TTC39C: variants seen among roughly 807,000 people sequenced by gnomAD.
TTC39C encodes tetratricopeptide repeat domain 39C.
A neutral mutation model predicts 76.3 loss-of-function variants in TTC39C; 33 were observed. The ratio of observed to expected loss-of-function variants is 0.43; its 90% CI spans 0.33 to 0.58. The LOEUF is 0.58. TTC39C is among the 20% of genes least tolerant of loss of function. The pLI, the probability that TTC39C is intolerant of heterozygous loss-of-function variation, is 0.04. For missense variants in TTC39C, 595 were observed against 701.4 expected (o/e 0.85, Z 1.71); for synonymous variants, 254 against 260.6 (o/e 0.97, Z 0.24).
intron 1 of TTC39C, among the ~76,000 whole-genome samples, chr18:23,997,674 G>GAAAGAAAA (rs2083277050): frequency 6.8e-6 from 1 of 146,090 alleles, no homozygotes; most frequent in African/African-American, 2.5e-5. Flanking sequence ...AAGAAAGAAA[G>GAAAGAAAA]AAAGAAAGAA....
intron 1 of TTC39C, among the ~76,000 whole-genome samples, chr18:24,020,715 A>T (rs1427266897): frequency 6.6e-6 from 1 of 152,196 alleles, no homozygotes; most frequent in East Asian, 1.9e-4. Context: ...CAAGGGAAAA[A>T]GTCTGTATAT....
intron 6 of TTC39C, among the ~76,000 whole-genome samples, chr18:24,099,743 ATGT>A (rs1241971802): frequency 2.0e-5 from 3 of 152,062 alleles, no homozygotes; most frequent in African/African-American, 7.2e-5. Context: ...AGGAGTTCTT[ATGT>A]AACTTACTGC....
At chr18:24,014,403 GGC>G (rs1158725032), upstream of TTC39C, 1 of 153,192 alleles carries the variant, frequency 6.5e-6, no homozygotes, top group African/African-American at 2.4e-5. Context: ...GGGAGGGTGG[GGC>G]GCTCGGGTCT....
intron 6 of TTC39C, among the ~76,000 whole-genome samples, chr18:24,112,322 A>G (rs1565082): frequency 0.41 from 62,058 of 152,064 alleles, 12,800 homozygotes; most frequent in South Asian, 0.57. Flanking sequence ...TCACATCTGC[A>G]TACACACTCC....
chr18:24,006,503 T>G (rs1300075488), intron 1 of TTC39C: 1 of 132,050 alleles, frequency 7.6e-6, no homozygotes, highest in Non-Finnish European at 1.5e-5. Context: ...AAGATGGACG[T>G]GAAAGTAATC....
rs1308870343 is a variant in TTC39C, at chr18:24,126,320, C to G, written c.1420+770C>G. Among the ~76,000 whole-genome samples the G allele has an allele frequency of 2.6e-5, 4 of 151,000 alleles. 1 individual carries two copies. On this transcript the variant is annotated intron_variant, in intron 10 of 13. Transcript: ENST00000317571. ...TTATAAGCCACTGTAGAAAATTTTTCAGATTTTTCTCCAGTTACTCTTCTT... is the reference window on the plus strand; with the variant it reads ...TTATAAGCCACTGTAGAAAATTTTTGAGATTTTTCTCCAGTTACTCTTCTT...
Position 24,114,542 on chromosome 18 carries a change from T to A in TTC39C, c.985-12T>A, listed in dbSNP as rs965721034. 6.2e-7 allele frequency: 1 copy of A among 1,607,688 alleles called. No individual in the cohort carries two copies. The highest frequency in any genetic ancestry group is 1.3e-5 in the African/African-American group (1 of 74,748). Reference sequence around the variant, plus strand: ...ATCTTAGCTGGTAATTCTGTTTTCCTTTTCTCCTTAGTGTCAAATCAACAG... The same window carrying A: ...ATCTTAGCTGGTAATTCTGTTTTCCATTTCTCCTTAGTGTCAAATCAACAG... On this transcript the variant is annotated splice_polypyrimidine_tract_variant and intron_variant, in intron 6 of 13. Transcript: ENST00000317571.
At chr18:24,016,907 GACA>G (rs2083460600) in intron 1 of TTC39C, among the ~76,000 whole-genome samples, 1 of 152,156 alleles carries the variant, frequency 6.6e-6, no homozygotes, top group Non-Finnish European at 1.5e-5. Flanking sequence ...CTATTCTCAT[GACA>G]ACAAAAGAGT....
chr18:24,094,094 G>T (rs2084560309), intron 6 of TTC39C, among the ~76,000 whole-genome samples: 1 of 152,206 alleles, frequency 6.6e-6, no homozygotes, highest in Middle Eastern at 3.2e-3. Flanking sequence ...TATCAACTAA[G>T]TCTATGTGTT....
chr18:24,073,937 C>G (rs372671297), intron 4 of TTC39C, among the ~76,000 whole-genome samples: 9 of 152,346 alleles, frequency 5.9e-5, no homozygotes, highest in African/African-American at 2.2e-4. Context: ...CTACATACCC[C>G]TTGAGGGCAG....
intron 8 of TTC39C, among the ~76,000 whole-genome samples, chr18:24,122,134 C>G (rs887911576): frequency 6.6e-6 from 1 of 152,140 alleles, no homozygotes; most frequent in African/African-American, 2.4e-5. Flanking sequence ...GGTAGCCTAT[C>G]CTGGTACGTG....
At chr18:24,069,545 T>C (rs2145739151) in intron 4 of TTC39C, among the ~76,000 whole-genome samples, 1 of 152,312 alleles carries the variant, frequency 6.6e-6, no homozygotes, top group South Asian at 2.1e-4. Flanking sequence ...TGTATGTAGA[T>C]GTATAATAGT....
intron 1 of TTC39C, among the ~76,000 whole-genome samples, chr18:24,043,303 A>G (rs1373273655): frequency 6.6e-6 from 1 of 152,170 alleles, no homozygotes; most frequent in Non-Finnish European, 1.5e-5. Context: ...TCAAGGCTGC[A>G]GTGAGCCATG....
intron 1 of TTC39C, among the ~76,000 whole-genome samples, chr18:24,051,862 G>A (rs558605907): frequency 8.5e-5 from 13 of 152,150 alleles, no homozygotes; most frequent in Non-Finnish European, 1.6e-4. Context: ...TTTGTAGGAC[G>A]TGGTTGGTTG....
intron 1 of TTC39C, among the ~76,000 whole-genome samples, chr18:24,051,540 C>T (rs1411698407): frequency 6.6e-6 from 1 of 152,164 alleles, no homozygotes; most frequent in African/African-American, 2.4e-5. Context: ...CGAGTCTGAA[C>T]AGAAGACTGG....
chr18:24,022,949 G>C, intron 1 of TTC39C: 1 of 908,142 alleles, frequency 1.1e-6, no homozygotes, highest in Non-Finnish European at 1.3e-6. Context: ...TCCGGCACTT[G>C]TGTTGCATCA....
upstream of TTC39C, among the ~76,000 whole-genome samples, chr18:24,013,705 A>C (rs1357147027): frequency 6.6e-6 from 1 of 152,264 alleles, no homozygotes; most frequent in African/African-American, 2.4e-5. Flanking sequence ...ACACTACATT[A>C]AGGGATTTTG....
In TTC39C at chr18:24,113,418, C is replaced by G. The variant is rs957665994; in HGVS notation, c.985-1136C>G. The G allele has an allele frequency of 5.0e-6, 3 of 599,742 alleles. No individual in the cohort carries two copies. In the Admixed American group the frequency reaches 8.9e-5, roughly 18 times the overall value. 37.2% of individuals were successfully genotyped at this position (599,742 alleles called of 1,614,324 possible). ...GTCCTCTGAGAAGCCTGCAGCTTCTCCTCCAGGACCCTTCCAGCCCACCTG... is the reference window on the plus strand; with the variant it reads ...GTCCTCTGAGAAGCCTGCAGCTTCTGCTCCAGGACCCTTCCAGCCCACCTG... On this transcript the variant is annotated intron_variant, in intron 6 of 13. Coordinates refer to ENST00000317571, the MANE Select transcript of TTC39C (RefSeq NM_001135993.2).
At position 24,132,641 on chromosome 18, in the gene TTC39C, C is replaced by A; in HGVS notation, c.*67C>A. On this transcript the variant is annotated 3_prime_UTR_variant, in exon 14 of 14. Coordinates refer to ENST00000317571, the MANE Select transcript of TTC39C (RefSeq NM_001135993.2). ...CGCACTTTAAAATAAAAGCAGAGGA[C>A]AAAGCTCTTGTGAAGATGGGCTTTT... The A allele has an allele frequency of 7.2e-7, 1 of 1,384,816 alleles. No individual in the cohort carries two copies. Among genetic ancestry groups the A allele is most frequent in the Admixed American group, 2.0e-5 (1 of 49,428 alleles). The allele number at this position is 1,384,816 out of a possible 1,614,324, so 85.8% of individuals were successfully genotyped here.
Sources: gnomAD v4.1 joint callset for allele counts (sites outside exome capture counted in the v4.1 genomes callset) on GRCh38, gnomAD v4.1.1 for gene constraint, MANE v1.5 for transcripts, NCBI Gene and HGNC (gene_info 2026-07-23, HGNC 2026-07-21) for gene names.